The following STARD3 variants were observed in gnomAD, a reference collection of about 807,000 sequenced individuals.
STARD3 encodes the protein stAR-related lipid transfer protein 3.
Under a neutral mutation model 62.0 loss-of-function variants are expected in STARD3, and 39 were observed. The observed-to-expected ratio is 0.63, with a 90% confidence interval of 0.49 to 0.82. The LOEUF is 0.82. Among genes scored for constraint, STARD3 ranks in the 40% least tolerant of loss-of-function variants. The pLI is 0.00. For synonymous variants in STARD3, 229 were observed against 242.4 expected (o/e 0.94, Z 0.51); for missense variants, 543 against 584.5 (o/e 0.93, Z 0.73).
intron 14 of STARD3, 128 bp downstream of exon 14, chr17:39,662,472 T>C: frequency 2.1e-6 from 2 of 957,474 alleles, no homozygotes; most frequent in Admixed American, 2.3e-5. Flanking sequence ...CCACCTTTCT[T>C]ACTTGAAAAT....
At chr17:39,644,121 G>T (rs1174709090) in intron 1 of STARD3, among the ~76,000 whole-genome samples, 1 of 152,174 alleles carries the variant, frequency 6.6e-6, no homozygotes, top group Non-Finnish European at 1.5e-5. Context: ...ATGGGAGGGG[G>T]ATGTGTGGAG....
At chr17:39,653,876 G>A in intron 2 of STARD3, 126 bp downstream of exon 2, 1 of 1,057,700 alleles carries the variant, frequency 9.5e-7, no homozygotes, top group Non-Finnish European at 1.4e-6. Context: ...TGAAGACTGG[G>A]AGGAACAACA....
chr17:39,646,339 A>C (rs2057026095), intron 1 of STARD3, among the ~76,000 whole-genome samples: 1 of 151,854 alleles, frequency 6.6e-6, no homozygotes, highest in Non-Finnish European at 1.5e-5. Flanking sequence ...TGCAACCTCC[A>C]CCTCCCCGGC....
intron 2 of STARD3, among the ~76,000 whole-genome samples, chr17:39,655,222 A>G (rs554330476): frequency 2.0e-5 from 3 of 152,154 alleles, no homozygotes; most frequent in Non-Finnish European, 2.9e-5. Context: ...GTCTTGCTCT[A>G]TTGGCCAGGC....
In STARD3 at chr17:39,660,155, A is replaced by G. The variant is rs900909818; in HGVS notation, c.796-56A>G. 4 of 1,595,112 alleles carry G rather than the reference A, an allele frequency of 2.5e-6. No homozygotes were observed. Among genetic ancestry groups the G allele is most frequent in the Admixed American group, 1.7e-5 (1 of 59,912 alleles). On this transcript the variant is annotated intron_variant, in intron 9 of 14. Transcript: ENST00000336308. This position sits in a 1 kb window ranked among gnomAD's most constrained non-coding sequence, Gnocchi z 4.8. ...CCTGCCTGTCACCCATTTCTGTGCC[A>G]CCAGCCCACCCCCTGCCTCCACTCT... is the stretch of plus-strand genomic sequence containing the variant.
In STARD3 at chr17:39,656,999, C is replaced by T. The variant is rs372799036; in HGVS notation, c.220-9C>T. 22 of 1,613,876 alleles carry T rather than the reference C, an allele frequency of 1.4e-5. No individual in the cohort carries two copies. Among genetic ancestry groups the T allele is most frequent in the African/African-American group, 5.3e-5 (4 of 74,928 alleles). ...TACCTGCAGAGCTCTTCCTGTCTCC[C>T]TCTCACAGACCAACACAGGCATCCG... On this transcript the variant is annotated splice_polypyrimidine_tract_variant and intron_variant, in intron 2 of 14. Coordinates refer to ENST00000336308, the MANE Select transcript of STARD3 (RefSeq NM_006804.4).
Position 39,638,939 on chromosome 17 carries a change from C to G in STARD3, c.-52+1708C>G, listed in dbSNP as rs2056959707. On this transcript the variant is annotated intron_variant, in intron 1 of 14. Coordinates refer to ENST00000336308, the MANE Select transcript of STARD3 (RefSeq NM_006804.4). ...ATGATCGCTTGAGGCCAGGGGTTTG[C>G]AACTAGCTTGGGCAACATAGTGAGA... 2.0e-5 allele frequency among the ~76,000 whole-genome samples: 3 copies of G among 152,026 alleles called. No individual in the cohort carries two copies. The South Asian group carries it at 6.2e-4, about 31-fold the overall frequency.
chr17:39,645,705 C>G (rs1446861618), intron 1 of STARD3, among the ~76,000 whole-genome samples: 1 of 152,000 alleles, frequency 6.6e-6, no homozygotes, highest in African/African-American at 2.4e-5. Context: ...CTCCTGACCT[C>G]AAGGGATCCT....
At chr17:39,655,384 A>G (rs1459359385) in intron 2 of STARD3, among the ~76,000 whole-genome samples, 2 of 150,720 alleles carry the variant, frequency 1.3e-5, no homozygotes, top group South Asian at 4.2e-4. Flanking sequence ...GAGTCTCACT[A>G]TGTTGCCCAG....
At chr17:39,640,118 TGTTGCATTAA>T (rs1467852923) in intron 1 of STARD3, among the ~76,000 whole-genome samples, 3 of 152,316 alleles carry the variant, frequency 2.0e-5, no homozygotes, top group Admixed American at 6.5e-5. Context: ...GGAACCCGCA[TGTTGCATTAA>T]GTTGAGCTCT....
At chr17:39,659,008 C>A (rs375298708) in intron 7 of STARD3, 43 bp from the exon 8 acceptor site, 1 of 1,613,050 alleles carries the variant, frequency 6.2e-7, no homozygotes, top group Non-Finnish European at 8.5e-7. Context: ...CCCACACTCT[C>A]TCCCCACCCC....
intron 2 of STARD3, among the ~76,000 whole-genome samples, chr17:39,656,306 G>A (rs2057129256): frequency 6.6e-6 from 1 of 152,104 alleles, no homozygotes; most frequent in Non-Finnish European, 1.5e-5. Flanking sequence ...CCACCTGAAG[G>A]AGCCTAGGCC....
At chr17:39,661,215 G>A in intron 13 of STARD3, 130 bp downstream of exon 13, 1 of 775,166 alleles carries the variant, frequency 1.3e-6, no homozygotes. Context: ...TGTCCCGCTG[G>A]GCTCTGCTCC....
intron 13 of STARD3, among the ~76,000 whole-genome samples, 195 bp from the exon 14 acceptor site, chr17:39,662,056 G>T (rs1336478632): frequency 6.6e-6 from 1 of 152,174 alleles, no homozygotes. Context: ...TCACAGAGTG[G>T]GTGGGGGTGG....
At chr17:39,659,947 C>G (rs2057176733) in intron 9 of STARD3, 1 of 565,138 alleles carries the variant, frequency 1.8e-6, no homozygotes, top group African/African-American at 1.9e-5. Flanking sequence ...TGTGGCAGCC[C>G]CATTGGCCTG....
In STARD3 at chr17:39,648,210, C is replaced by T. The variant is rs548227511; in HGVS notation, c.-51-5271C>T. Among the ~76,000 whole-genome samples the T allele has an allele frequency of 5.9e-5, 9 of 152,166 alleles. No homozygotes were observed. In the East Asian group the frequency reaches 1.5e-3, roughly 26 times the overall value. On this transcript the variant is annotated intron_variant, in intron 1 of 14. Coordinates refer to ENST00000336308, the MANE Select transcript of STARD3 (RefSeq NM_006804.4). ...TGAGGCAGGAGAGAATCGCTTGAAC[C>T]CAGGAGGCGGAGCTTGCAGTGAGCC...
intron 6 of STARD3, 39 bp from the exon 7 acceptor site, chr17:39,658,683 G>A (rs2057159421): frequency 1.9e-6 from 3 of 1,612,544 alleles, no homozygotes; most frequent in Non-Finnish European, 2.5e-6. Context: ...CTGCTAGGGT[G>A]TAACTGTCCT....
At chr17:39,662,755 C>T (rs768960221) in intron 14 of STARD3, 49 bp from the exon 15 acceptor site, 5 of 1,532,492 alleles carry the variant, frequency 3.3e-6, no homozygotes, top group South Asian at 2.4e-5. Flanking sequence ...AAGGGGAGAC[C>T]CTGCTGAGGG....
chr17:39,658,592 T>C, intron 6 of STARD3, 70 bp downstream of exon 6: 1 of 1,566,770 alleles, frequency 6.4e-7, no homozygotes, highest in Non-Finnish European at 8.8e-7. Context: ...GTTGCGGGCA[T>C]GAGAGTCAGT....
Sources: allele counts gnomAD v4.1 joint callset (sites outside exome capture counted in the v4.1 genomes callset), GRCh38; gene constraint gnomAD v4.1.1; non-coding constraint Gnocchi (gnomAD v3.1); transcripts MANE v1.5; gene names NCBI Gene and HGNC (gene_info 2026-07-23, HGNC 2026-07-21).